Variants in MCCC2 observed in about 807,000 individuals in gnomAD.
MCCC2 encodes methylcrotonoyl-CoA carboxylase beta chain, mitochondrial.
A neutral mutation model predicts 77.2 loss-of-function variants in MCCC2; 52 were observed. The observed-to-expected ratio is 0.67, with a 90% confidence interval of 0.54 to 0.85. The LOEUF is 0.85. Ranked by LOEUF, MCCC2 falls within the 40% of genes least tolerant of loss-of-function variation. The pLI, the probability that MCCC2 is intolerant of heterozygous loss-of-function variation, is 0.00. For synonymous variants in MCCC2, 253 were observed against 248.4 expected (o/e 1.02, Z -0.18); for missense variants, 682 against 703.2 (o/e 0.97, Z 0.34).
At chr5:71,590,686 G>A (rs1475355813) in intron 1 of MCCC2, among the ~76,000 whole-genome samples, 7 of 151,986 alleles carry the variant, frequency 4.6e-5, no homozygotes, top group East Asian at 1.9e-4. Flanking sequence ...GCATGGTGGC[G>A]CACGCCTGTA....
At chr5:71,604,654 A>C (rs1029034599) in intron 6 of MCCC2, among the ~76,000 whole-genome samples, 186 bp downstream of exon 6, 2 of 151,770 alleles carry the variant, frequency 1.3e-5, no homozygotes, top group Non-Finnish European at 2.9e-5. Context: ...ATACGTACAC[A>C]TGTGCCATGC....
intron 8 of MCCC2, among the ~76,000 whole-genome samples, chr5:71,632,609 G>A (rs968819978): frequency 6.6e-6 from 1 of 152,228 alleles, no homozygotes; most frequent in African/African-American, 2.4e-5. Flanking sequence ...AGAGCATAGA[G>A]GAGGTGGGTC....
In MCCC2 at chr5:71,649,222, G is replaced by A. The variant is rs766045910; in HGVS notation, c.1342G>A (p.Gly448Arg). 18 of 1,613,986 alleles carry A rather than the reference G, an allele frequency of 1.1e-5. No homozygotes were observed. Among genetic ancestry groups the A allele is most frequent in the East Asian group, 6.7e-5 (3 of 44,896 alleles). ...CATCATTGGGGGCTCCTATGGAGCCGGAAACTATGGGATGTGTGGCAGAGC... is the reference window on the plus strand; with the variant it reads ...CATCATTGGGGGCTCCTATGGAGCCAGAAACTATGGGATGTGTGGCAGAGC... ...TLIIGGSYGA[G>R]NYGMCGRAYS... The change falls in exon 14 of 17, where the codon GGA becomes AGA. Residue 448 changes from glycine (G) to arginine (R), a missense_variant. Physicochemically the swap from Gly to Arg is moderately radical, Grantham distance 125. Coordinates refer to ENST00000340941, the MANE Select transcript of MCCC2 (RefSeq NM_022132.5).
At chr5:71,598,951 G>T (rs1470578028) in intron 3 of MCCC2, among the ~76,000 whole-genome samples, 1 of 151,872 alleles carries the variant, frequency 6.6e-6, no homozygotes. Flanking sequence ...TAAAGATGGG[G>T]TTTCCCCGTG....
intron 12 of MCCC2, among the ~76,000 whole-genome samples, chr5:71,645,020 A>G (rs1356485374): frequency 1.3e-5 from 2 of 152,066 alleles, no homozygotes; most frequent in Non-Finnish European, 2.9e-5. Flanking sequence ...GCATGTTTTC[A>G]TTTAATAGTA....
chr5:71,643,655 G>T, intron 11 of MCCC2, 164 bp from the exon 12 acceptor site: 2 of 1,376,840 alleles, frequency 1.5e-6, no homozygotes, highest in South Asian at 2.5e-5. Flanking sequence ...AGGACCTTAG[G>T]AACAAGAAGA....
intron 6 of MCCC2, among the ~76,000 whole-genome samples, chr5:71,608,575 C>T (rs1745787187): frequency 6.6e-6 from 1 of 151,654 alleles, no homozygotes; most frequent in South Asian, 2.1e-4. Context: ...AGTCCATTTA[C>T]ATTTAAAGTT....
At chr5:71,628,710 G>A (rs146849467) in intron 7 of MCCC2, among the ~76,000 whole-genome samples, 2,000 of 152,270 alleles carry the variant, frequency 0.013, 44 homozygotes, top group African/African-American at 0.046. Context: ...CTATACAATT[G>A]TTTGACTCAA....
Position 71,602,623 on chromosome 5 carries a change from C to T in MCCC2, c.501C>T (p.Cys167=). Residue 167 remains cysteine, a synonymous_variant, in exon 5 of 17, where the codon TGC becomes TGT. Coordinates refer to ENST00000340941, the MANE Select transcript of MCCC2 (RefSeq NM_022132.5). ...TTGCCATGCAAAACAGGCTCCCCTG[C>T]ATCTACTTAGGCAAGTCACCAGAGT... is the stretch of plus-strand genomic sequence containing the variant. ...QEIAMQNRLP[C]IYLVDSGGAY... is the part of the protein sequence containing the mutation. The T allele has an allele frequency of 6.2e-7, 1 of 1,614,148 alleles. No individual in the cohort carries two copies. The highest frequency in any genetic ancestry group is 8.5e-7 in the Non-Finnish European group (1 of 1,180,018).
At chr5:71,641,456 C>T (rs987157661) in intron 11 of MCCC2, 7 of 267,026 alleles carry the variant, frequency 2.6e-5, no homozygotes, top group South Asian at 1.7e-4. Flanking sequence ...TCCAATTCAA[C>T]GAGGAAGTTT....
At chr5:71,600,175 A>G (rs934241595) in intron 4 of MCCC2, among the ~76,000 whole-genome samples, 2 of 152,050 alleles carry the variant, frequency 1.3e-5, no homozygotes, top group Non-Finnish European at 2.9e-5. Flanking sequence ...AAAAAAAAAC[A>G]AAAAGATGTC....
At chr5:71,590,317 G>A (rs986497341) in intron 1 of MCCC2, among the ~76,000 whole-genome samples, 6 of 152,174 alleles carry the variant, frequency 3.9e-5, no homozygotes, top group Admixed American at 3.3e-4. Flanking sequence ...GCCAGTACTG[G>A]CTCTTCTGTG....
chr5:71,636,889 ACC>A (rs1746951543), intron 10 of MCCC2, among the ~76,000 whole-genome samples: 3 of 151,268 alleles, frequency 2.0e-5, no homozygotes, highest in African/African-American at 7.3e-5. Flanking sequence ...GATTACAGGC[ACC>A]CGCCACCATA....
At chr5:71,614,542 C>T (rs1174115484) in intron 6 of MCCC2, among the ~76,000 whole-genome samples, 2 of 149,250 alleles carry the variant, frequency 1.3e-5, no homozygotes, top group Admixed American at 6.8e-5. Context: ...AGTGCAGTGG[C>T]GTGCAATATT....
chr5:71,595,599 A>G (rs572220984), intron 2 of MCCC2, among the ~76,000 whole-genome samples: 1 of 152,312 alleles, frequency 6.6e-6, no homozygotes, highest in Non-Finnish European at 1.5e-5. Context: ...TTAATTATTA[A>G]AGGTACAATT....
chr5:71,608,340 T>C (rs1309121194), intron 6 of MCCC2, among the ~76,000 whole-genome samples: 1 of 117,746 alleles, frequency 8.5e-6, no homozygotes, highest in South Asian at 3.4e-4. Context: ...ATGGCCTTCT[T>C]TGTCTCTTTT....
chr5:71,597,471 G>A (rs1167069297), intron 3 of MCCC2, among the ~76,000 whole-genome samples: 1 of 152,172 alleles, frequency 6.6e-6, no homozygotes, highest in Admixed American at 6.5e-5. Context: ...GAAGCCCTGT[G>A]ACCAGGTAGA....
Position 71,606,512 on chromosome 5 carries a change from C to T in MCCC2, c.624+2044C>T, listed in dbSNP as rs563081729. 9.3e-5 allele frequency among the ~76,000 whole-genome samples: 13 copies of T among 139,892 alleles called. No individual in the cohort carries two copies. In the East Asian group the frequency reaches 1.0e-3, roughly 11 times the overall value. 91.8% of individuals were successfully genotyped at this position (139,892 alleles called of 152,430 possible). A position where few individuals can be genotyped will look rare whatever the true frequency, so the allele number is the denominator to read the frequency against. ...GGGTTTTCTAGATATACAATCATGT[C>T]GTCTGCAAACAGGGACAATTTGACT... On this transcript the variant is annotated intron_variant, in intron 6 of 16. Coordinates refer to ENST00000340941, the MANE Select transcript of MCCC2 (RefSeq NM_022132.5).
chr5:71,611,793 CT>C lies in MCCC2; in HGVS notation c.624+7338del, dbSNP rs561604734. Among the ~76,000 whole-genome samples, 464 of 141,412 alleles carry C rather than the reference CT, an allele frequency of 3.3e-3. 1 individual carries two copies. Among genetic ancestry groups the C allele is most frequent in the Non-Finnish European group, 4.3e-3 (276 of 64,130 alleles). 92.8% of individuals were successfully genotyped at this position (141,412 alleles called of 152,430 possible). ...TCAAATACTTTATTCCTTTTTTTTTCTTTTTTTTTTTTTGAGATGGAGTCTT... is the reference window on the plus strand; with the variant it reads ...TCAAATACTTTATTCCTTTTTTTTTCTTTTTTTTTTTTGAGATGGAGTCTT... On this transcript the variant is annotated intron_variant, in intron 6 of 16. Transcript: ENST00000340941.
Sources: allele counts gnomAD v4.1 joint callset (sites outside exome capture counted in the v4.1 genomes callset), GRCh38; gene constraint gnomAD v4.1.1; transcripts MANE v1.5; gene names NCBI Gene and HGNC (gene_info 2026-07-23, HGNC 2026-07-21).